The following FBN3 variants were observed in gnomAD, a reference collection of about 807,000 sequenced individuals.
The protein encoded by FBN3 is fibrillin-3.
FBN3 carries 234 observed loss-of-function variants against 330.1 expected under a neutral mutation model. The ratio of observed to expected loss-of-function variants is 0.71; its 90% CI spans 0.64 to 0.79. The LOEUF (loss-of-function observed/expected upper bound fraction) is 0.79, where lower values mean the gene tolerates loss of function less well. Among genes scored for constraint, FBN3 ranks in the 30% least tolerant of loss-of-function variants. The pLI, the probability that FBN3 is intolerant of heterozygous loss-of-function variation, is 0.00. For synonymous variants in FBN3, 1,458 were observed against 1,517.3 expected, an observed-to-expected ratio of 0.96 and a Z score of 0.91; for missense variants, 3,606 against 3,886.9, an observed-to-expected ratio of 0.93 and a Z score of 1.92.
chr19:8,100,615 G>A (rs1471743431), intron 41 of FBN3, among the ~76,000 whole-genome samples: 1 of 152,146 alleles, frequency 6.6e-6, no homozygotes, highest in Non-Finnish European at 1.5e-5. Flanking sequence ...TGGGATGACA[G>A]GCATGAGCCA....
intron 53 of FBN3, 113 bp from the exon 54 acceptor site, chr19:8,087,324 C>T (rs1249322920): frequency 9.2e-6 from 11 of 1,192,206 alleles, no homozygotes; most frequent in Non-Finnish European, 1.2e-5. Context: ...CCCTGCAGAC[C>T]CTGTCAAATG....
At position 8,124,024 on chromosome 19, in the gene FBN3, T is replaced by C; in HGVS notation, c.2732-16A>G. The stretch of plus-strand genomic sequence containing the variant: ...AATCTCACATCTGCACGGGGGACAG[T>C]CACTGCGTCCCCACCCCTGCCACAC... On this transcript the variant is annotated splice_polypyrimidine_tract_variant and intron_variant, in intron 22 of 63. Transcript: ENST00000600128. The C allele has an allele frequency of 6.3e-7, 1 of 1,593,796 alleles. No individual in the cohort carries two copies. Among genetic ancestry groups the C allele is most frequent in the Non-Finnish European group, 8.6e-7 (1 of 1,165,082 alleles).
chr19:8,135,709 C>T (rs1450152673), intron 13 of FBN3, among the ~76,000 whole-genome samples: 2 of 152,148 alleles, frequency 1.3e-5, no homozygotes, highest in African/African-American at 4.8e-5. Flanking sequence ...AGGCATAAGG[C>T]ACCAAGACTG....
Position 8,102,750 on chromosome 19 carries a change from C to A in FBN3, c.5063G>T (p.Cys1688Phe). 6.2e-7 allele frequency: 1 copy of A among 1,613,844 alleles called. No individual in the cohort carries two copies. Among genetic ancestry groups the A allele is most frequent in the Non-Finnish European group, 8.5e-7 (1 of 1,179,946 alleles). Residue 1688 changes from cysteine (C) to phenylalanine (F), a missense_variant, in exon 40 of 64, where the codon TGT becomes TTT. Coordinates refer to ENST00000600128, the MANE Select transcript of FBN3 (RefSeq NM_032447.5). ...YNIGQAWNRP[C>F]EACPTPISPD... is the part of the protein sequence containing the mutation. ...ACTGATGGGAGTGGGGCAGGCCTCACAGGGTCTATTCCAGGCCTGGCCAAT... is the reference window on the plus strand; with the variant it reads ...ACTGATGGGAGTGGGGCAGGCCTCAAAGGGTCTATTCCAGGCCTGGCCAAT...
Position 8,123,621 on chromosome 19 carries a change from G to A in FBN3, c.2957-32C>T, listed in dbSNP as rs374337886. On this transcript the variant is annotated intron_variant, in intron 23 of 63. Coordinates refer to ENST00000600128, the MANE Select transcript of FBN3 (RefSeq NM_032447.5). ...TACAGGGGCATCAAACCACCCTGAC[G>A]TCCCCAAGCTCAGGATCCATACACC... 62 of 1,611,922 alleles carry A rather than the reference G, an allele frequency of 3.8e-5. 1 individual carries two copies. The East Asian group carries it at 8.9e-4, about 23-fold the overall frequency.
Position 8,067,638 on chromosome 19 carries a change from A to G in FBN3, c.8089-1378T>C, listed in dbSNP as rs146724031. On this transcript the variant is annotated intron_variant, in intron 63 of 63. Coordinates refer to ENST00000600128, the MANE Select transcript of FBN3 (RefSeq NM_032447.5). ...CTGAGACCCTGTCTCAAAAATATAT[A>G]TATGTTTATTAGGCACCTACTGAAT... Among the ~76,000 whole-genome samples, 301 of 152,130 alleles carry G rather than the reference A, an allele frequency of 2.0e-3. 1 individual carries two copies. Among genetic ancestry groups the G allele is most frequent in the African/African-American group, 6.7e-3 (277 of 41,494 alleles).
chr19:8,130,588 G>A (rs1411719354), intron 16 of FBN3, among the ~76,000 whole-genome samples: 5 of 10,476 alleles, frequency 4.8e-4, no homozygotes, highest in East Asian at 2.7e-3. Flanking sequence ...AAGAATGAAA[G>A]AAAGAAAGAA....
Position 8,096,707 on chromosome 19 carries a change from C to A in FBN3, c.5414-138G>T. The A allele has an allele frequency of 7.4e-7, 1 of 1,357,768 alleles. No individual in the cohort carries two copies. The highest frequency in any genetic ancestry group is 1.0e-6 in the Non-Finnish European group (1 of 994,560). 84.1% of individuals were successfully genotyped at this position (1,357,768 alleles called of 1,614,324 possible). On this transcript the variant is annotated intron_variant, in intron 43 of 63. Transcript: ENST00000600128. The surrounding 1 kb of genome is among the most constrained non-coding windows in gnomAD (Gnocchi z 4.6). ...TCCACCAGGGGCGTCAGGCTGTCTG[C>A]ATGGACCTGAGCTCTCACCTCTATC...
Position 8,117,223 on chromosome 19 carries a change from G to A in FBN3, c.3532C>T (p.Arg1178Trp), listed in dbSNP as rs775051566. The A allele has an allele frequency of 1.1e-5, 17 of 1,613,860 alleles. No homozygotes were observed. The highest frequency in any genetic ancestry group is 8.3e-5 in the Admixed American group (5 of 59,990). The change falls in exon 28 of 64, where the codon CGG becomes TGG. Residue 1178 changes from arginine to tryptophan, a missense_variant. Transcript: ENST00000600128. ...GAGTAGCCCTGCCCACAGCTGCACC[G>A]GTAGCTGCCCTCAGTGTTAATACAG... ...VHCINTEGSYRCSCGQGYSLM... is the reference protein window; with the variant it reads ...VHCINTEGSYWCSCGQGYSLM...
rs117880701 is a variant in FBN3, at chr19:8,121,371, C to A, written c.3098G>T (p.Arg1033Leu). 5.0e-3 allele frequency: 8,086 copies of A among 1,603,228 alleles called. 45 individuals are homozygous for A. Among genetic ancestry groups the A allele is most frequent in the Non-Finnish European group, 5.7e-3 (6,736 of 1,175,206 alleles). The change falls in exon 25 of 64, where the codon CGC (arginine) becomes CTC (leucine). Residue 1033 changes from arginine to leucine, a missense_variant. Coordinates refer to ENST00000600128, the MANE Select transcript of FBN3 (RefSeq NM_032447.5). The surrounding 1 kb of genome is among the most constrained non-coding windows in gnomAD (Gnocchi z 4.5). Reference sequence around the variant, plus strand: ...CTGGCCGCAGAGGTCAGGAGAGATGCGACACTCGTCGATATCTGTGGGGAG... The same window carrying A: ...CTGGCCGCAGAGGTCAGGAGAGATGAGACACTCGTCGATATCTGTGGGGAG... Reference protein sequence around the residue: ...ERNCTDIDECRISPDLCGQGT... With the variant: ...ERNCTDIDECLISPDLCGQGT...
rs755211619 is a variant in FBN3 at position 8,090,224 on chromosome 19, C to T, written c.6059G>A (p.Arg2020His). The T allele has an allele frequency of 1.4e-5, 23 of 1,613,984 alleles. No homozygotes were observed. The highest frequency in any genetic ancestry group is 1.9e-5 in the Non-Finnish European group (23 of 1,179,996). The change falls in exon 49 of 64, where the codon CGT (arginine) becomes CAT (histidine). Residue 2020 changes from arginine to histidine, a missense_variant. Physicochemically the swap from Arg to His is conservative, Grantham distance 29. Transcript: ENST00000600128. Reference protein sequence around the residue: ...FDTRQSFCFTRFEAGKCSVPK... With the variant: ...FDTRQSFCFTHFEAGKCSVPK... ...CACCGAGCACTTCCCAGCCTCAAAACGGGTGAAGCAGAAACTCTGCCGTGT... is the reference window on the plus strand; with the variant it reads ...CACCGAGCACTTCCCAGCCTCAAAATGGGTGAAGCAGAAACTCTGCCGTGT...
intron 13 of FBN3, 25 bp downstream of exon 13, chr19:8,135,936 G>GCACCCCCCCCCCC: frequency 4.5e-6 from 3 of 668,778 alleles, no homozygotes; most frequent in Non-Finnish European, 4.8e-6. Flanking sequence ...GGAAGCCCCT[G>GCACCCCCCCCCCC]CCCACCCGCC....
intron 59 of FBN3, among the ~76,000 whole-genome samples, chr19:8,080,040 T>C (rs1404154832): frequency 3.9e-5 from 6 of 152,240 alleles, no homozygotes; most frequent in Non-Finnish European, 8.8e-5. Flanking sequence ...TCTGTTTCTG[T>C]AACAGGCTCT....
intron 6 of FBN3, among the ~76,000 whole-genome samples, chr19:8,142,532 G>A (rs1159629076): frequency 2.0e-5 from 3 of 151,952 alleles, no homozygotes; most frequent in Non-Finnish European, 2.9e-5. Context: ...CTGCCATATC[G>A]CCCAGATTTG....
chr19:8,103,671 G>C lies in FBN3; in HGVS notation c.4830C>G (p.Ser1610=), dbSNP rs1227997703. The part of the protein sequence containing the change: ...TRICEDIDEC[S]THSGICGPGT... ...CAGGGCCACAGATGCCGGAGTGTGT[G>C]GAGCATTCGTCAATATCTGCAGGGA... Residue 1610 remains serine, a synonymous_variant, in exon 39 of 64, where the codon TCC becomes TCG. Coordinates refer to ENST00000600128, the MANE Select transcript of FBN3 (RefSeq NM_032447.5). 6.2e-7 allele frequency: 1 copy of C among 1,613,508 alleles called. No homozygotes were observed. Among genetic ancestry groups the C allele is most frequent in the Non-Finnish European group, 8.5e-7 (1 of 1,179,606 alleles).
intron 57 of FBN3, among the ~76,000 whole-genome samples, chr19:8,082,227 C>T (rs1264751515): frequency 2.6e-5 from 4 of 152,030 alleles, no homozygotes; most frequent in African/African-American, 9.7e-5. Context: ...CCTCAGCCTC[C>T]CAAAGTGTGC....
intron 61 of FBN3, 107 bp from the exon 62 acceptor site, chr19:8,073,404 C>T (rs1476819517): frequency 3.3e-6 from 3 of 901,122 alleles, no homozygotes; most frequent in Non-Finnish European, 5.1e-6. Context: ...GAGCCCAAGT[C>T]CAATGCCAAA....
At chr19:8,135,339 G>A (rs534111743) in intron 13 of FBN3, among the ~76,000 whole-genome samples, 4 of 151,718 alleles carry the variant, frequency 2.6e-5, no homozygotes, top group African/African-American at 9.7e-5. Flanking sequence ...GAGCAGTGGT[G>A]TGATCTTGGC....
intron 14 of FBN3, among the ~76,000 whole-genome samples, chr19:8,132,475 C>T (rs2083170818): frequency 6.6e-6 from 1 of 151,982 alleles, no homozygotes; most frequent in Non-Finnish European, 1.5e-5. Context: ...CTGGCCCCTC[C>T]CCACCTTATA....
Sources: gnomAD v4.1 joint callset for allele counts (sites outside exome capture counted in the v4.1 genomes callset) on GRCh38, gnomAD v4.1.1 for gene constraint, Gnocchi (gnomAD v3.1) non-coding constraint, MANE v1.5 for transcripts, NCBI Gene and HGNC (gene_info 2026-07-23, HGNC 2026-07-21) for gene names.